The following PTPRO variants were observed in gnomAD, a reference collection of about 807,000 sequenced individuals.
The protein encoded by PTPRO is protein tyrosine phosphatase receptor type O.
PTPRO carries 62 observed loss-of-function variants against 145.2 expected under a neutral mutation model. The ratio of observed to expected loss-of-function variants is 0.43; its 90% CI spans 0.35 to 0.53. The LOEUF is 0.53. PTPRO is among the 20% of genes least tolerant of loss of function. The pLI, the probability that PTPRO is intolerant of heterozygous loss-of-function variation, is 0.01. For missense variants in PTPRO, 1,345 were observed against 1,482.7 expected, an observed-to-expected ratio of 0.91 and a Z score of 1.53; for synonymous variants, 565 against 514.7, an observed-to-expected ratio of 1.10 and a Z score of -1.32.
chr12:15,393,934 C>T (rs576863012), intron 1 of PTPRO, among the ~76,000 whole-genome samples: 7 of 152,302 alleles, frequency 4.6e-5, no homozygotes, highest in African/African-American at 1.7e-4. Context: ...CTATGCAGGG[C>T]ATCACATGGC....
chr12:15,401,002 T>C (rs1416853057), intron 1 of PTPRO, among the ~76,000 whole-genome samples: 2 of 152,210 alleles, frequency 1.3e-5, no homozygotes, highest in African/African-American at 4.8e-5. Context: ...ATGAAGTGTT[T>C]TCGCTTTTTT....
chr12:15,455,066 T>C (rs1407992058), intron 1 of PTPRO, among the ~76,000 whole-genome samples: 1 of 152,178 alleles, frequency 6.6e-6, no homozygotes, highest in Non-Finnish European at 1.5e-5. Flanking sequence ...CCTATGTGGT[T>C]CCATATTAAT....
intron 10 of PTPRO, among the ~76,000 whole-genome samples, chr12:15,522,934 A>C (rs369215809): frequency 2.0e-5 from 3 of 152,226 alleles, no homozygotes; most frequent in African/African-American, 7.2e-5. Context: ...CCTTTGAAGA[A>C]ATATATGCAT....
At chr12:15,536,612 G>A (rs1378070592) in intron 12 of PTPRO, among the ~76,000 whole-genome samples, 6 of 152,192 alleles carry the variant, frequency 3.9e-5, no homozygotes, top group Non-Finnish European at 8.8e-5. Context: ...TTTAAGCAGA[G>A]GCGCATAACC....
At position 15,515,517 on chromosome 12, in the gene PTPRO, T is replaced by G. The variant is rs764673571; in HGVS notation, c.1484T>G (p.Ile495Ser). The G allele has an allele frequency of 6.2e-7, 1 of 1,613,890 alleles. No homozygotes were observed. The highest frequency in any genetic ancestry group is 1.7e-5 in the Admixed American group (1 of 60,006). Residue 495 changes from isoleucine (I) to serine (S), a missense_variant, in exon 8 of 27, where the codon ATT becomes AGT. This residue lies in a region of PTPRO where 1,130 missense variants were observed against 1,214.7 expected (regional missense o/e 0.93). Coordinates refer to ENST00000281171, the MANE Select transcript of PTPRO (RefSeq NM_030667.3). ...TTAAAGGTGAACTCAAGCAAACCTA[T>G]TATTGAAAATCTGGTTCCTGGTGCC... is the stretch of plus-strand genomic sequence containing the variant. ...YCTQVNSSKP[I>S]IENLVPGAQY...
At chr12:15,384,709 A>G (rs1938967516) in intron 1 of PTPRO, among the ~76,000 whole-genome samples, 1 of 152,220 alleles carries the variant, frequency 6.6e-6, no homozygotes, top group Admixed American at 6.5e-5. Context: ...TTTAGTCCAC[A>G]GCATTTGCAT....
chr12:15,463,337 G>T lies in PTPRO; in HGVS notation c.76-20637G>T, dbSNP rs115862489. 9.7e-3 allele frequency among the ~76,000 whole-genome samples: 1,484 copies of T among 152,230 alleles called. 30 individuals carry two copies. The highest frequency in any genetic ancestry group is 0.032 in the African/African-American group (1,321 of 41,528). On this transcript the variant is annotated intron_variant, in intron 1 of 26. Coordinates refer to ENST00000281171, the MANE Select transcript of PTPRO (RefSeq NM_030667.3). The stretch of plus-strand genomic sequence containing the variant: ...ACCATCTTAGCCCGGTGAATGAACA[G>T]CCACTGCATGGAAAGGGAGAAGATT...
At chr12:15,451,958 A>G (rs1195823819) in intron 1 of PTPRO, among the ~76,000 whole-genome samples, 1 of 152,134 alleles carries the variant, frequency 6.6e-6, no homozygotes, top group African/African-American at 2.4e-5. Context: ...GAACAAACCA[A>G]ACTCAAACCT....
intron 12 of PTPRO, among the ~76,000 whole-genome samples, chr12:15,545,339 G>A (rs1014484207): frequency 1.3e-5 from 2 of 151,680 alleles, no homozygotes; most frequent in African/African-American, 4.8e-5. Context: ...TAGCAGCAAG[G>A]TACAATATGT....
At chr12:15,558,531 A>G (rs1943696198) in intron 16 of PTPRO, among the ~76,000 whole-genome samples, 1 of 152,250 alleles carries the variant, frequency 6.6e-6, no homozygotes, top group African/African-American at 2.4e-5. Flanking sequence ...TCAATGCCCA[A>G]CAAAAGTACT....
chr12:15,543,242 A>G (rs1053781722), intron 12 of PTPRO, among the ~76,000 whole-genome samples: 5 of 152,204 alleles, frequency 3.3e-5, no homozygotes, highest in African/African-American at 9.7e-5. Flanking sequence ...ACCTTGAAAT[A>G]ATCTATTGCC....
At chr12:15,557,035 T>G (rs1432911611) in intron 15 of PTPRO, among the ~76,000 whole-genome samples, 5 of 136,058 alleles carry the variant, frequency 3.7e-5, no homozygotes, top group East Asian at 1.9e-4. Context: ...TTATTTTGTT[T>G]TTTTTTTTTT....
At chr12:15,394,576 G>T (rs959040576) in intron 1 of PTPRO, among the ~76,000 whole-genome samples, 24 of 152,138 alleles carry the variant, frequency 1.6e-4, no homozygotes, top group Admixed American at 1.3e-3. Context: ...GTTATGAGGG[G>T]ACTAATAACT....
In PTPRO at chr12:15,526,152, A is replaced by G. The variant is rs1942833096; in HGVS notation, c.2054A>G (p.Asn685Ser). 1 of 1,613,990 alleles carries G rather than the reference A, an allele frequency of 6.2e-7. No homozygotes were observed. The highest frequency in any genetic ancestry group is 1.3e-5 in the African/African-American group (1 of 75,036). Residue 685 changes from asparagine (N) to serine (S), a missense_variant, in exon 12 of 27, where the codon AAT (asparagine) becomes AGT (serine). Transcript: ENST00000281171. ...TTGATGATCTTGCAGGTAACACGCA[A>G]TGTCATGACTGCAATTCTCAGCTTG... ...KKKIKKSVTR[N>S]VMTAILSLPP...
chr12:15,501,212 C>T (rs1942214262), intron 4 of PTPRO, among the ~76,000 whole-genome samples: 1 of 152,158 alleles, frequency 6.6e-6, no homozygotes, highest in African/African-American at 2.4e-5. Context: ...TTTTCATCTT[C>T]ATAGCTATAA....
intron 1 of PTPRO, among the ~76,000 whole-genome samples, chr12:15,381,383 G>A (rs753458065): frequency 6.6e-6 from 1 of 152,118 alleles, no homozygotes; most frequent in Non-Finnish European, 1.5e-5. Context: ...ACATAATCCC[G>A]ACCAGAAGCG....
intron 1 of PTPRO, among the ~76,000 whole-genome samples, chr12:15,470,340 A>C (rs1941511260): frequency 6.6e-6 from 1 of 152,146 alleles, no homozygotes; most frequent in South Asian, 2.1e-4. Context: ...AATTCTTTGA[A>C]CCTCAGTTTC....
intron 1 of PTPRO, among the ~76,000 whole-genome samples, chr12:15,352,649 C>CAAA (rs71042243): frequency 4.4e-4 from 44 of 100,252 alleles, no homozygotes; most frequent in African/African-American, 6.5e-4. Context: ...GACTCTGTCT[C>CAAA]AAAAAAAAAA....
chr12:15,372,589 C>G (rs1233672781), intron 1 of PTPRO, among the ~76,000 whole-genome samples: 1 of 152,130 alleles, frequency 6.6e-6, no homozygotes, highest in African/African-American at 2.4e-5. Context: ...AGTGGGAGGA[C>G]AGTGTAATTA....
Sources: gnomAD v4.1 joint callset for allele counts (sites outside exome capture counted in the v4.1 genomes callset) on GRCh38, gnomAD v4.1.1 for gene constraint, gnomAD v4.1.1 regional missense constraint, MANE v1.5 for transcripts, NCBI Gene and HGNC (gene_info 2026-07-23, HGNC 2026-07-21) for gene names.